The following DNMT3A variants were observed in gnomAD, a reference collection of about 807,000 sequenced individuals.
DNMT3A encodes the protein DNA methyltransferase 3 alpha.
DNMT3A carries 267 observed loss-of-function variants against 117.6 expected under a neutral mutation model. The ratio of observed to expected loss-of-function variants is 2.27; its 90% CI spans 2.05 to 2.51. The LOEUF is 2.51. Among genes scored for constraint, DNMT3A ranks in the 30% most tolerant of loss-of-function variants. DNMT3A has a pLI of 0.00. For synonymous variants in DNMT3A, 432 were observed against 474.8 expected (o/e 0.91, Z 1.17); for missense variants, 1,029 against 1,260.2 (o/e 0.82, Z 2.78).
At chr2:25,290,121 C>G (rs2032634955) in intron 3 of DNMT3A, among the ~76,000 whole-genome samples, 3 of 152,116 alleles carry the variant, frequency 2.0e-5, no homozygotes, top group Non-Finnish European at 2.9e-5. Flanking sequence ...GCCACCACAC[C>G]TAACTTTTTA....
In DNMT3A at chr2:25,245,329, AT is replaced by A; in HGVS notation, c.1477del (p.Ile493SerfsTer158). ...ATTGAGGCTCCCACAGGAGATGCAG[AT>A]GTCTGGAAAGCAGAGGGAGGGGATG... is the stretch of plus-strand genomic sequence containing the variant. ...VRQKCRNIED[I>X]CISCGSLNVT... On this transcript the variant is annotated frameshift_variant and splice_region_variant, in exon 13 of 23. Transcript: ENST00000321117. LOFTEE classifies it high-confidence loss of function. The A allele has an allele frequency of 6.2e-7, 1 of 1,613,808 alleles. No individual in the cohort carries two copies. The highest frequency in any genetic ancestry group is 8.5e-7 in the Non-Finnish European group (1 of 1,179,928).
Position 25,304,611 on chromosome 2 carries a change from T to G in DNMT3A, c.73-4368A>C, listed in dbSNP as rs1158934585. Among the ~76,000 whole-genome samples the G allele has an allele frequency of 2.0e-5, 3 of 152,262 alleles. No homozygotes were observed. In the East Asian group the frequency reaches 5.8e-4, roughly 29 times the overall value. On this transcript the variant is annotated intron_variant, in intron 2 of 22. Coordinates refer to ENST00000321117, the MANE Select transcript of DNMT3A (RefSeq NM_022552.5). The surrounding 1 kb of genome is among the most constrained non-coding windows in gnomAD (Gnocchi z 4.3). Reference sequence around the variant, plus strand: ...AAATGCAAAGCTGATTATGCCACTCTGCAGAGCTTAAACCTTTGCCACGGG... The same window carrying G: ...AAATGCAAAGCTGATTATGCCACTCGGCAGAGCTTAAACCTTTGCCACGGG...
At position 25,284,645 on chromosome 2, in the gene DNMT3A, T is replaced by TGAAAAAA. The variant is rs1287436463; in HGVS notation, c.178-1935_178-1934insTTTTTTC. Among the ~76,000 whole-genome samples the TGAAAAAA allele has an allele frequency of 3.6e-4, 6 of 16,644 alleles. 1 individual carries two copies. Among genetic ancestry groups the TGAAAAAA allele is most frequent in the Admixed American group, 8.0e-4 (1 of 1,250 alleles). The allele number at this position is 16,644 out of a possible 152,430, so 10.9% of individuals were successfully genotyped here. ...CTGGGCAACAGAGTGAGACTCCATC[T>TGAAAAAA]AAAAAAAAAAAAAAAAAAAAAAAAA... On this transcript the variant is annotated intron_variant, in intron 3 of 22. Coordinates refer to ENST00000321117, the MANE Select transcript of DNMT3A (RefSeq NM_022552.5).
At chr2:25,326,439 T>C (rs1281727343) in intron 1 of DNMT3A, among the ~76,000 whole-genome samples, 1 of 152,074 alleles carries the variant, frequency 6.6e-6, no homozygotes, top group Non-Finnish European at 1.5e-5. Context: ...AAGGTGCAAA[T>C]GGAAGCTGTG....
chr2:25,248,351 T>G, intron 6 of DNMT3A, 99 bp from the exon 7 acceptor site: 12 of 1,353,324 alleles, frequency 8.9e-6, no homozygotes. Context: ...CCCGGAACAG[T>G]GACAGAAGGT....
chr2:25,256,673 C>CCCCTTCTGTCCCTTATCTTT lies in DNMT3A; in HGVS notation c.640-8441_640-8422dup, dbSNP rs374906357. On this transcript the variant is annotated intron_variant, in intron 6 of 22. Coordinates refer to ENST00000321117, the MANE Select transcript of DNMT3A (RefSeq NM_022552.5). ...TGCCCTGGCCCCTCACCCTTATCCT[C>CCCCTTCTGTCCCTTATCTTT]CCCTTCTGTCCCTTATCTTTCCCTT... Among the ~76,000 whole-genome samples, 345 of 152,110 alleles carry CCCCTTCTGTCCCTTATCTTT rather than the reference C, an allele frequency of 2.3e-3. 13 individuals carry two copies. In the East Asian group the frequency reaches 0.06, roughly 26 times the overall value.
chr2:25,342,235 G>A (rs886222643), upstream of DNMT3A, among the ~76,000 whole-genome samples: 2 of 147,470 alleles, frequency 1.4e-5, no homozygotes, highest in African/African-American at 4.9e-5. The surrounding 1 kb of genome is among the most constrained non-coding windows in gnomAD (Gnocchi z 5.9). Context: ...CCCTCGGCGC[G>A]ACTTCCCGGC....
chr2:25,281,663 T>G lies in DNMT3A; in HGVS notation c.448+778A>C, dbSNP rs2031894578. On this transcript the variant is annotated intron_variant, in intron 4 of 22. Transcript: ENST00000321117. This position sits in a 1 kb window ranked among gnomAD's most constrained non-coding sequence, Gnocchi z 4.8. The stretch of plus-strand genomic sequence containing the variant: ...TGTGATAATGTATGAGAAAGCGCTT[T>G]GTAAACTGTGAAGCCCTGTACAAAT... 2 of 1,065,604 alleles carry G rather than the reference T, an allele frequency of 1.9e-6. No homozygotes were observed. The highest frequency in any genetic ancestry group is 1.6e-5 in the African/African-American group (1 of 61,202). The allele number at this position is 1,065,604 out of a possible 1,614,324, so 66.0% of individuals were successfully genotyped here. A position where few individuals can be genotyped will look rare whatever the true frequency, so the allele number is the denominator to read the frequency against.
rs1041422386 is a variant in DNMT3A at position 25,252,682 on chromosome 2, G to T, written c.640-4430C>A. 6.6e-6 allele frequency among the ~76,000 whole-genome samples: 1 copy of T among 152,174 alleles called. No homozygotes were observed. Among genetic ancestry groups the T allele is most frequent in the Non-Finnish European group, 1.5e-5 (1 of 68,002 alleles). On this transcript the variant is annotated intron_variant, in intron 6 of 22. Transcript: ENST00000321117. The surrounding 1 kb of genome is among the most constrained non-coding windows in gnomAD (Gnocchi z 5.5). ...AGCCGCCTGCCCGGAGGGAGCCGGGGGTCCGGGCGAAAGCAAGCCGGAGCT... is the reference window on the plus strand; with the variant it reads ...AGCCGCCTGCCCGGAGGGAGCCGGGTGTCCGGGCGAAAGCAAGCCGGAGCT...
At chr2:25,335,125 T>C (rs1350920371) in intron 1 of DNMT3A, among the ~76,000 whole-genome samples, 2 of 152,218 alleles carry the variant, frequency 1.3e-5, no homozygotes, top group Non-Finnish European at 2.9e-5. Context: ...AAAACTGAGA[T>C]TACACTATGA....
At position 25,228,367 on chromosome 2, in the gene DNMT3A, G is replaced by A. The variant is rs1361361501; in HGVS notation, c.*5912C>T. 6.6e-6 allele frequency: 1 copy of A among 151,734 alleles called. No individual in the cohort carries two copies. The highest frequency in any genetic ancestry group is 1.5e-5 in the Non-Finnish European group (1 of 68,012). The allele number at this position is 151,734 out of a possible 1,614,324, so 9.4% of individuals were successfully genotyped here. ...GGGAGGGAAGAGTCTGGGAAGTCCT[G>A]CATTTAGCTGCGTGGAATGTGGAGT... is the stretch of plus-strand genomic sequence containing the variant. On this transcript the variant is annotated 3_prime_UTR_variant, in exon 23 of 23. Coordinates refer to ENST00000321117, the MANE Select transcript of DNMT3A (RefSeq NM_022552.5).
At chr2:25,329,135 C>A (rs1293806534) in intron 1 of DNMT3A, among the ~76,000 whole-genome samples, 1 of 152,190 alleles carries the variant, frequency 6.6e-6, no homozygotes. Context: ...TTCTCCTCAT[C>A]GTCTGTCCCA....
At position 25,254,488 on chromosome 2, in the gene DNMT3A, C is replaced by T. The variant is rs1675949634; in HGVS notation, c.640-6236G>A. On this transcript the variant is annotated intron_variant, in intron 6 of 22. Coordinates refer to ENST00000321117, the MANE Select transcript of DNMT3A (RefSeq NM_022552.5). The surrounding 1 kb of genome is among the most constrained non-coding windows in gnomAD (Gnocchi z 4.7). ...AGAAGCTATTCGAAAAACAAGCAAA[C>T]AAACAAAAACACAGGCCCTCTTCTG... 6.6e-6 allele frequency among the ~76,000 whole-genome samples: 1 copy of T among 152,112 alleles called. No individual in the cohort carries two copies. The highest frequency in any genetic ancestry group is 1.5e-5 in the Non-Finnish European group (1 of 68,028).
Position 25,282,347 on chromosome 2 carries a change from C to A in DNMT3A, c.448+94G>T. The A allele has an allele frequency of 6.5e-7, 1 of 1,533,754 alleles. No individual in the cohort carries two copies. The highest frequency in any genetic ancestry group is 1.4e-5 in the African/African-American group (1 of 72,974). On this transcript the variant is annotated intron_variant, in intron 4 of 22. Transcript: ENST00000321117. The surrounding 1 kb of genome is among the most constrained non-coding windows in gnomAD (Gnocchi z 5.2). ...GCAGACCTTTAGCCACGACCCAGAC[C>A]ATCCTTCCTGGGACCTGCTGGAGAG...
chr2:25,330,030 T>C (rs2034955709), intron 1 of DNMT3A, among the ~76,000 whole-genome samples: 1 of 152,176 alleles, frequency 6.6e-6, no homozygotes, highest in African/African-American at 2.4e-5. Context: ...CTCCAAAAGC[T>C]TGGAAATGCC....
intron 16 of DNMT3A, among the ~76,000 whole-genome samples, chr2:25,243,559 C>G (rs983753020): frequency 9.2e-5 from 14 of 152,160 alleles, no homozygotes; most frequent in Non-Finnish European, 8.8e-5. Flanking sequence ...CACAACAGAA[C>G]TGTGTATGTT....
chr2:25,275,472 A>C lies in DNMT3A; in HGVS notation c.492+28T>G, dbSNP rs750735513. ...TGTCCTTCTTCTAGAATCAGGATCC[A>C]CAGAGCCCCTGGGGGTGGAACACTT... is the stretch of plus-strand genomic sequence containing the variant. On this transcript the variant is annotated intron_variant, in intron 5 of 22. Coordinates refer to ENST00000321117, the MANE Select transcript of DNMT3A (RefSeq NM_022552.5). 5.7e-6 allele frequency: 9 copies of C among 1,580,420 alleles called. No individual in the cohort carries two copies. In the Admixed American group the frequency reaches 1.5e-4, roughly 27 times the overall value.
intron 3 of DNMT3A, among the ~76,000 whole-genome samples, chr2:25,290,808 G>C (rs2032701316): frequency 6.9e-6 from 1 of 144,352 alleles, no homozygotes; most frequent in Non-Finnish European, 1.5e-5. Flanking sequence ...GTGGGGGTGG[G>C]GGGTGGGTAG....
intron 3 of DNMT3A, among the ~76,000 whole-genome samples, chr2:25,284,886 A>G (rs575383369): frequency 1.3e-5 from 2 of 151,988 alleles, no homozygotes; most frequent in African/African-American, 4.8e-5. Flanking sequence ...GTTTTTTTCC[A>G]AAAGGGTATC....
Sources: gnomAD v4.1 joint callset for allele counts (sites outside exome capture counted in the v4.1 genomes callset) on GRCh38, gnomAD v4.1.1 for gene constraint, Gnocchi (gnomAD v3.1) non-coding constraint, MANE v1.5 for transcripts, NCBI Gene and HGNC (gene_info 2026-07-23, HGNC 2026-07-21) for gene names.